Variants in YLPM1 observed in about 807,000 individuals in gnomAD.
The protein encoded by YLPM1 is YLP motif-containing protein 1.
In YLPM1, 99 loss-of-function variants were observed where a neutral mutation model predicts 230.0. The observed-to-expected ratio is 0.43, with a 90% CI of 0.37 to 0.51. YLPM1 has a LOEUF of 0.51. YLPM1 is among the 20% of genes least tolerant of loss of function. The pLI is 0.00. For synonymous variants in YLPM1, 984 were observed against 942.5 expected, an observed-to-expected ratio of 1.04 and a Z score of -0.81; for missense variants, 2,592 against 2,707.7, an observed-to-expected ratio of 0.96 and a Z score of 0.95.
intron 4 of YLPM1, among the ~76,000 whole-genome samples, chr14:74,794,714 A>G (rs1186939986): frequency 1.3e-5 from 2 of 150,562 alleles, no homozygotes; most frequent in Non-Finnish European, 2.9e-5. Flanking sequence ...TTATTAACAC[A>G]TGTTAGATAA....
intron 18 of YLPM1, chr14:74,827,283 G>GTCTT (rs2091571450): frequency 2.2e-6 from 2 of 915,608 alleles, no homozygotes; most frequent in South Asian, 1.0e-4. Flanking sequence ...TAGTGTGCAT[G>GTCTT]TATTGAACAC....
intron 1 of YLPM1, among the ~76,000 whole-genome samples, chr14:74,769,296 A>G (rs1594806286): frequency 1.2e-5 from 1 of 80,272 alleles, no homozygotes; most frequent in African/African-American, 4.9e-5. Context: ...TTTGGAGACG[A>G]AGTCTCACTC....
intron 19 of YLPM1, among the ~76,000 whole-genome samples, chr14:74,830,365 T>C (rs2091599032): frequency 6.6e-6 from 1 of 152,230 alleles, no homozygotes; most frequent in Non-Finnish European, 1.5e-5. Context: ...TCGATAGTGA[T>C]AGATGTGTAT....
intron 18 of YLPM1, among the ~76,000 whole-genome samples, chr14:74,828,324 A>G (rs191969289): frequency 2.0e-3 from 307 of 152,316 alleles, no homozygotes; most frequent in Middle Eastern, 3.4e-3. Context: ...CAGATGATTC[A>G]AAAGTTTAGT....
At chr14:74,810,169 T>C in intron 8 of YLPM1, 56 bp from the exon 9 acceptor site, 3 of 1,563,698 alleles carry the variant, frequency 1.9e-6, no homozygotes, top group Non-Finnish European at 2.6e-6. Context: ...TTTATAGTTT[T>C]CTGCTTTTAT....
At chr14:74,789,268 C>T (rs1479084090) in intron 4 of YLPM1, among the ~76,000 whole-genome samples, 1 of 152,174 alleles carries the variant, frequency 6.6e-6, no homozygotes, top group Non-Finnish European at 1.5e-5. Context: ...GTCTGTCACC[C>T]AGGCTGGAGT....
intron 5 of YLPM1, among the ~76,000 whole-genome samples, chr14:74,800,934 A>G (rs1409556047): frequency 6.6e-6 from 1 of 152,192 alleles, no homozygotes; most frequent in Non-Finnish European, 1.5e-5. Context: ...CACTTCACAA[A>G]TGACACTAAA....
intron 1 of YLPM1, among the ~76,000 whole-genome samples, chr14:74,770,131 G>A (rs534109798): frequency 1.3e-5 from 2 of 151,020 alleles, no homozygotes; most frequent in South Asian, 2.1e-4. Context: ...GCAGTGAGCC[G>A]AGATCGCGCC....
intron 6 of YLPM1, among the ~76,000 whole-genome samples, chr14:74,803,108 A>C (rs1372382722): frequency 6.6e-6 from 1 of 152,070 alleles, no homozygotes; most frequent in African/African-American, 2.4e-5. Context: ...AAAAAAAAAA[A>C]AAAGTCCTGT....
intron 19 of YLPM1, among the ~76,000 whole-genome samples, chr14:74,833,901 C>G (rs2140148891): frequency 6.6e-6 from 1 of 152,240 alleles, no homozygotes; most frequent in East Asian, 1.9e-4. Context: ...GGTTCTCTCT[C>G]CTTGTCACAG....
At chr14:74,819,179 A>G (rs1468479285) in intron 16 of YLPM1, among the ~76,000 whole-genome samples, 1 of 151,732 alleles carries the variant, frequency 6.6e-6, no homozygotes, top group Non-Finnish European at 1.5e-5. Flanking sequence ...GCCTGAATTA[A>G]TTATTTATTT....
At chr14:74,778,704 T>C (rs1201038851) in intron 2 of YLPM1, 21 bp downstream of exon 2, 25 of 1,516,642 alleles carry the variant, frequency 1.6e-5, no homozygotes, top group Non-Finnish European at 2.0e-5. Context: ...AATTAATTGT[T>C]TGTGTTTATT....
At chr14:74,809,293 T>C in intron 6 of YLPM1, 87 bp from the exon 7 acceptor site, 1 of 1,478,686 alleles carries the variant, frequency 6.8e-7, no homozygotes, top group African/African-American at 1.4e-5. Context: ...TTTTTTCTTA[T>C]AAATTGAGAA....
rs1289785102 is a variant in YLPM1, at chr14:74,816,679, G to A, written c.5674G>A (p.Val1892Met). 6.2e-7 allele frequency: 1 copy of A among 1,612,164 alleles called. No homozygotes were observed. The highest frequency in any genetic ancestry group is 8.5e-7 in the Non-Finnish European group (1 of 1,179,206). ...AAAAGATCCAGATTCTGGAAAGAAA[G>A]TGAAAAAGAAGGTATGGTATTCATC... The part of the protein sequence containing the change: ...EEKDPDSGKK[V>M]KKKVMEYEYE... The change falls in exon 13 of 21, where the codon GTG becomes ATG. Residue 1892 changes from valine to methionine, a missense_variant. Transcript: ENST00000325680.
chr14:74,777,910 G>A (rs1456810315), intron 1 of YLPM1, among the ~76,000 whole-genome samples: 4 of 152,078 alleles, frequency 2.6e-5, no homozygotes, highest in Non-Finnish European at 5.9e-5. Context: ...GGGAGGTTGA[G>A]GCTTCAGTGA....
At chr14:74,796,250 C>T (rs753747426) in intron 4 of YLPM1, among the ~76,000 whole-genome samples, 3 of 152,220 alleles carry the variant, frequency 2.0e-5, no homozygotes, top group Non-Finnish European at 4.4e-5. Flanking sequence ...TAGTGTGCTG[C>T]TTTTCCACAT....
Position 74,764,306 on chromosome 14 carries a change from A to G in YLPM1, c.817A>G (p.Ser273Gly), listed in dbSNP as rs2090888619. ...TTTGGAGAGTGGGGCCAAAAACAAG[A>G]GTACTGAACAGCAGCAAGCCGCCCC... ...EPLESGAKNKSTEQQQAAPEP... is the reference protein window; with the variant it reads ...EPLESGAKNKGTEQQQAAPEP... Residue 273 changes from serine (S) to glycine (G), a missense_variant, in exon 1 of 21, where the codon AGT becomes GGT. Ser to Gly is a moderately conservative substitution (Grantham distance 56). Transcript: ENST00000325680. 1.2e-6 allele frequency: 2 copies of G among 1,613,666 alleles called. No homozygotes were observed. Among genetic ancestry groups the G allele is most frequent in the South Asian group, 1.1e-5 (1 of 91,064 alleles).
At chr14:74,796,481 A>G (rs2091262478) in intron 4 of YLPM1, among the ~76,000 whole-genome samples, 1 of 152,118 alleles carries the variant, frequency 6.6e-6, no homozygotes, top group Non-Finnish European at 1.5e-5. Context: ...AGCCTCTCCA[A>G]TTCTGTTTTC....
intron 5 of YLPM1, 95 bp downstream of exon 5, chr14:74,799,792 AC>A (rs2091307582): frequency 2.1e-6 from 3 of 1,432,316 alleles, no homozygotes; most frequent in Non-Finnish European, 2.7e-6. Flanking sequence ...GAATCATTTT[AC>A]TTCAAGTTCT....
Sources: gnomAD v4.1 joint callset for allele counts (sites outside exome capture counted in the v4.1 genomes callset) on GRCh38, gnomAD v4.1.1 for gene constraint, MANE v1.5 for transcripts, NCBI Gene and HGNC (gene_info 2026-07-23, HGNC 2026-07-21) for gene names.